Variants in CTNNA3 observed in about 807,000 individuals in gnomAD.
CTNNA3 encodes catenin alpha-3.
CTNNA3 carries 76 observed loss-of-function variants against 95.7 expected under a neutral mutation model. The ratio of observed to expected loss-of-function variants is 0.79; its 90% confidence interval spans 0.66 to 0.96. CTNNA3 has a LOEUF of 0.96. Ranked by LOEUF, CTNNA3 falls within the 40% of genes least tolerant of loss-of-function variation. The pLI, the probability that CTNNA3 is intolerant of heterozygous loss-of-function variation, is 0.00. For synonymous variants in CTNNA3, 431 were observed against 374.4 expected, an observed-to-expected ratio of 1.15 and a Z score of -1.74; for missense variants, 1,191 against 1,089.8, an observed-to-expected ratio of 1.09 and a Z score of -1.31.
chr10:66,770,643 T>C (rs1840050967), intron 8 of CTNNA3, among the ~76,000 whole-genome samples: 3 of 152,050 alleles, frequency 2.0e-5, no homozygotes, highest in South Asian at 2.1e-4. Flanking sequence ...ATCACTACAA[T>C]TGAAGCCCAA....
At chr10:66,799,593 A>C (rs976345843) in intron 7 of CTNNA3, among the ~76,000 whole-genome samples, 1 of 151,602 alleles carries the variant, frequency 6.6e-6, no homozygotes, top group African/African-American at 2.4e-5. Flanking sequence ...AAGAAGGTAG[A>C]GACAAGCATT....
chr10:66,126,976 AG>A (rs200575997), intron 13 of CTNNA3, among the ~76,000 whole-genome samples: 1,741 of 152,008 alleles, frequency 0.011, 65 homozygotes, highest in East Asian at 0.08. Context: ...AGTGTAGAAA[AG>A]GGGGAAAATG....
chr10:67,296,153 T>G (rs193279753), intron 5 of CTNNA3, among the ~76,000 whole-genome samples: 68 of 152,376 alleles, frequency 4.5e-4, no homozygotes, highest in Non-Finnish European at 9.1e-4. Context: ...CAAAGAGGTT[T>G]CTGGAGGAAG....
intron 5 of CTNNA3, among the ~76,000 whole-genome samples, chr10:67,445,732 T>G (rs1373182038): frequency 6.6e-6 from 1 of 152,220 alleles, no homozygotes; most frequent in East Asian, 1.9e-4. Context: ...GCAGGTATTC[T>G]TTGAATAATA....
chr10:67,001,224 CA>C (rs1851667383), intron 7 of CTNNA3, among the ~76,000 whole-genome samples: 1 of 149,568 alleles, frequency 6.7e-6, no homozygotes, highest in Non-Finnish European at 1.5e-5. Context: ...TCGCTTGAAC[CA>C]GGGACTCGGA....
chr10:66,702,779 G>A (rs942993036), intron 9 of CTNNA3, among the ~76,000 whole-genome samples: 5 of 147,638 alleles, frequency 3.4e-5, no homozygotes, highest in South Asian at 2.1e-4. Flanking sequence ...CGTCGTCGTC[G>A]TTGTCGTCGT....
At chr10:66,330,189 G>A (rs1463631304) in intron 12 of CTNNA3, among the ~76,000 whole-genome samples, 1 of 151,756 alleles carries the variant, frequency 6.6e-6, no homozygotes, top group Non-Finnish European at 1.5e-5. Context: ...TTTAACATTA[G>A]GTATATCTCC....
chr10:67,297,821 TGC>T (rs1564544810), intron 5 of CTNNA3, among the ~76,000 whole-genome samples: 1 of 152,224 alleles, frequency 6.6e-6, no homozygotes, highest in Non-Finnish European at 1.5e-5. Flanking sequence ...TCACATACTT[TGC>T]ATCCTGCGGT....
intron 7 of CTNNA3, among the ~76,000 whole-genome samples, chr10:67,155,529 A>ATG (rs142928094): frequency 9.3e-3 from 231 of 24,752 alleles, no homozygotes; most frequent in South Asian, 0.042. Context: ...GTATTAATAT[A>ATG]TGTGTGTGTG....
At chr10:67,687,818 A>G (rs1840762942) in intron 1 of CTNNA3, among the ~76,000 whole-genome samples, 1 of 152,166 alleles carries the variant, frequency 6.6e-6, no homozygotes, top group Non-Finnish European at 1.5e-5. Flanking sequence ...ACATCATTGA[A>G]TAATTCACAG....
intron 11 of CTNNA3, among the ~76,000 whole-genome samples, chr10:66,472,061 C>A (rs1051215076): frequency 6.6e-6 from 1 of 151,914 alleles, no homozygotes. Context: ...TGAAAGCATC[C>A]TCCCTGGGCT....
At chr10:67,211,540 A>C (rs1216688258) in intron 6 of CTNNA3, among the ~76,000 whole-genome samples, 2 of 152,194 alleles carry the variant, frequency 1.3e-5, no homozygotes, top group African/African-American at 4.8e-5. Context: ...CTGAAATATC[A>C]ACAATTCATT....
intron 2 of CTNNA3, among the ~76,000 whole-genome samples, chr10:67,617,118 CTTTTA>C (rs985457802): frequency 2.0e-5 from 3 of 152,078 alleles, no homozygotes; most frequent in East Asian, 1.9e-4. Flanking sequence ...TGTTTTTTAA[CTTTTA>C]TTTTAAGTTC....
chr10:66,860,575 G>C (rs1443924546), intron 7 of CTNNA3, among the ~76,000 whole-genome samples: 1 of 152,098 alleles, frequency 6.6e-6, no homozygotes, highest in Non-Finnish European at 1.5e-5. Flanking sequence ...GTCTACTCAG[G>C]TGCTTGTGTT....
Position 66,280,828 on chromosome 10 carries a change from A to ATT in CTNNA3, c.1733-209_1733-208dup, listed in dbSNP as rs61169201. ...AAACGAATCAAAGACAATTAAAGGC[A>ATT]TTTTTTTTTTCTAAACCCCAGGCTT... On this transcript the variant is annotated intron_variant, in intron 12 of 17. Transcript: ENST00000433211. Among the ~76,000 whole-genome samples, 977 of 150,216 alleles carry ATT rather than the reference A, an allele frequency of 6.5e-3. 7 individuals carry two copies. The highest frequency in any genetic ancestry group is 0.021 in the African/African-American group (881 of 41,106).
In CTNNA3 at chr10:67,237,074, A is replaced by G. The variant is rs570025089; in HGVS notation, c.580-17204T>C. ...CAATTCACAATTGGAAAATTGTGGA[A>G]CCAACCCAAATGCCCATCAATCAAT... is the stretch of plus-strand genomic sequence containing the variant. On this transcript the variant is annotated intron_variant, in intron 5 of 17. Transcript: ENST00000433211. 4.2e-5 allele frequency among the ~76,000 whole-genome samples: 6 copies of G among 143,090 alleles called. No individual in the cohort carries two copies. In the South Asian group the frequency reaches 1.4e-3, roughly 34 times the overall value. 93.9% of individuals were successfully genotyped at this position (143,090 alleles called of 152,430 possible). A position where few individuals can be genotyped will look rare whatever the true frequency, so the allele number is the denominator to read the frequency against.
intron 9 of CTNNA3, among the ~76,000 whole-genome samples, chr10:66,671,719 A>G (rs1303421812): frequency 4.6e-5 from 7 of 152,118 alleles, no homozygotes; most frequent in Admixed American, 3.9e-4. Context: ...AGATCACAGG[A>G]CTCTGAAGTC....
At chr10:67,193,058 T>A (rs1396982804) in intron 6 of CTNNA3, among the ~76,000 whole-genome samples, 1 of 150,640 alleles carries the variant, frequency 6.6e-6, no homozygotes, top group Non-Finnish European at 1.5e-5. Context: ...ACTGTTTTGA[T>A]TTTACATAAA....
At chr10:67,361,595 A>C (rs1842993589) in intron 5 of CTNNA3, among the ~76,000 whole-genome samples, 1 of 152,184 alleles carries the variant, frequency 6.6e-6, no homozygotes, top group Non-Finnish European at 1.5e-5. Flanking sequence ...GATACAACAT[A>C]CCAAAATCTG....
Sources: gnomAD v4.1 joint callset for allele counts (sites outside exome capture counted in the v4.1 genomes callset) on GRCh38, gnomAD v4.1.1 for gene constraint, MANE v1.5 for transcripts, NCBI Gene and HGNC (gene_info 2026-07-23, HGNC 2026-07-21) for gene names.